MAD1L1: variants seen among roughly 807,000 people sequenced by gnomAD.
MAD1L1 encodes the protein mitotic spindle assembly checkpoint protein MAD1.
Under a neutral mutation model 96.9 loss-of-function variants are expected in MAD1L1, and 95 were observed. The ratio of observed to expected loss-of-function variants is 0.98; its 90% confidence interval spans 0.83 to 1.16. The LOEUF is 1.16. MAD1L1 is among the 50% of genes most tolerant of loss of function. The pLI is 0.00. For synonymous variants in MAD1L1, 473 were observed against 396.6 expected, an observed-to-expected ratio of 1.19 and a Z score of -2.29; for missense variants, 1,007 against 954.4, an observed-to-expected ratio of 1.06 and a Z score of -0.73.
chr7:1,925,181 G>A (rs1261931043), intron 17 of MAD1L1, among the ~76,000 whole-genome samples: 1 of 152,114 alleles, frequency 6.6e-6, no homozygotes, highest in Non-Finnish European at 1.5e-5. Context: ...GTGCACATGG[G>A]ACATTTTGAG....
chr7:1,908,303 A>T (rs1207779609), intron 17 of MAD1L1, among the ~76,000 whole-genome samples: 1 of 152,214 alleles, frequency 6.6e-6, no homozygotes, highest in African/African-American at 2.4e-5. Flanking sequence ...GGCTGAAGAC[A>T]TCTCTACCTC....
At chr7:1,980,870 G>T (rs377066031) in intron 14 of MAD1L1, 1 of 430,120 alleles carries the variant, frequency 2.3e-6, no homozygotes, top group Non-Finnish European at 4.5e-6. Flanking sequence ...CGCTGCCGTC[G>T]GTTTGGTTTA....
rs1318039373 is a variant in MAD1L1 at position 1,980,471 on chromosome 7, T to C, written c.1487A>G (p.Glu496Gly). The C allele has an allele frequency of 6.2e-7, 1 of 1,612,524 alleles. No homozygotes were observed. The highest frequency in any genetic ancestry group is 8.5e-7 in the Non-Finnish European group (1 of 1,179,598). ...GACGTACCTGAGCGTGTCCGCCTCC[T>C]CCCTGGAGAACAGGAAGCTCTGTTC... ...SAEQSFLFSR[E>G]EADTLRLKVE... is the part of the protein sequence containing the mutation. The change falls in exon 15 of 19, where the codon GAG (glutamate) becomes GGG (glycine). Residue 496 changes from glutamate (E) to glycine (G), a missense_variant. By Grantham distance (98) the Glu-to-Gly change is moderately conservative. Coordinates refer to ENST00000265854, the MANE Select transcript of MAD1L1 (RefSeq NM_001013836.2).
intron 10 of MAD1L1, among the ~76,000 whole-genome samples, chr7:2,207,059 C>T (rs543632390): frequency 7.7e-6 from 1 of 130,090 alleles, no homozygotes; most frequent in Non-Finnish European, 1.6e-5. Context: ...GCCTGGGCGA[C>T]AGAGTAAGAT....
At chr7:2,013,346 C>T (rs1214755064) in intron 13 of MAD1L1, among the ~76,000 whole-genome samples, 1 of 152,262 alleles carries the variant, frequency 6.6e-6, no homozygotes, top group Non-Finnish European at 1.5e-5. Context: ...ACCATCAAGG[C>T]CCAGCCCAGA....
chr7:2,214,593 T>C (rs1170835799), intron 9 of MAD1L1, among the ~76,000 whole-genome samples: 1 of 151,614 alleles, frequency 6.6e-6, no homozygotes, highest in South Asian at 2.1e-4. Context: ...GCGGCATAGG[T>C]GTGCCAGGCA....
Position 2,106,876 on chromosome 7 carries a change from C to T in MAD1L1, c.1074-37538G>A, listed in dbSNP as rs191050943. 5.2e-3 allele frequency among the ~76,000 whole-genome samples: 799 copies of T among 152,346 alleles called. 10 individuals are homozygous for T. The highest frequency in any genetic ancestry group is 0.018 in the African/African-American group (759 of 41,574). On this transcript the variant is annotated intron_variant, in intron 11 of 18. Coordinates refer to ENST00000265854, the MANE Select transcript of MAD1L1 (RefSeq NM_001013836.2). The stretch of plus-strand genomic sequence containing the variant: ...GGACTCGTGATGGAGACCCTCCTGG[C>T]CCTGGCTGAGAGACAGCTGAGTGCA...
intron 13 of MAD1L1, among the ~76,000 whole-genome samples, chr7:2,010,943 T>A (rs1782271811): frequency 6.6e-6 from 1 of 151,410 alleles, no homozygotes; most frequent in Admixed American, 6.6e-5. Flanking sequence ...GAGGGAAAGA[T>A]GGAGACAGGA....
At chr7:2,176,097 C>T (rs533544884) in intron 10 of MAD1L1, among the ~76,000 whole-genome samples, 194 of 152,324 alleles carry the variant, frequency 1.3e-3, no homozygotes, top group Non-Finnish European at 2.3e-3. Context: ...CCTGTAATCT[C>T]AGCACTTTGG....
chr7:1,988,394 T>C (rs922053634), intron 14 of MAD1L1, among the ~76,000 whole-genome samples: 2 of 152,028 alleles, frequency 1.3e-5, no homozygotes, highest in African/African-American at 4.8e-5. Context: ...CCAGGCACTT[T>C]GTGGAGCGCC....
At chr7:2,014,394 C>G (rs1782436702) in intron 13 of MAD1L1, 108 bp downstream of exon 13, 1 of 1,384,898 alleles carries the variant, frequency 7.2e-7, no homozygotes, top group African/African-American at 1.5e-5. Context: ...CAGCCGGGAA[C>G]TGGGGAGGCG....
rs79564382 is a variant in MAD1L1, at chr7:2,046,952, C to A, written c.1218+22242G>T. On this transcript the variant is annotated intron_variant, in intron 12 of 18. Coordinates refer to ENST00000265854, the MANE Select transcript of MAD1L1 (RefSeq NM_001013836.2). Reference sequence around the variant, plus strand: ...CACACAACACCCCCTGGGCTGAGCGCACCCACTCACAGACGACAAAGGAAA... The same window carrying A: ...CACACAACACCCCCTGGGCTGAGCGAACCCACTCACAGACGACAAAGGAAA... Among the ~76,000 whole-genome samples the A allele has an allele frequency of 9.6e-3, 1,460 of 152,336 alleles. 23 individuals carry two copies. The highest frequency in any genetic ancestry group is 0.033 in the African/African-American group (1,372 of 41,574).
chr7:2,199,403 G>A (rs1792163168), intron 10 of MAD1L1, among the ~76,000 whole-genome samples: 1 of 152,216 alleles, frequency 6.6e-6, no homozygotes, highest in South Asian at 2.1e-4. Context: ...ACTCCTAGGA[G>A]GTCCCCTGCC....
Position 1,932,950 on chromosome 7 carries a change from C to T in MAD1L1, c.1807+3737G>A, listed in dbSNP as rs142366222. Among the ~76,000 whole-genome samples the T allele has an allele frequency of 7.9e-5, 12 of 152,336 alleles. No individual in the cohort carries two copies. The East Asian group carries it at 2.1e-3, about 27-fold the overall frequency. ...TCTTCTTAGATTTCCATTCACTGTT[C>T]CCTACTTTTGCCTTCCCCCTGCTCA... On this transcript the variant is annotated intron_variant, in intron 17 of 18. Coordinates refer to ENST00000265854, the MANE Select transcript of MAD1L1 (RefSeq NM_001013836.2).
Position 2,052,765 on chromosome 7 carries a change from T to TGGCATG in MAD1L1, c.1218+16423_1218+16428dup, listed in dbSNP as rs1455395658. ...ACAGCTGGGACACAGCTACGGCAGC[T>TGGCATG]GGCATGGGCATGGCCCTGGCGCCAC... On this transcript the variant is annotated intron_variant, in intron 12 of 18. Transcript: ENST00000265854. Among the ~76,000 whole-genome samples the TGGCATG allele has an allele frequency of 9.2e-5, 14 of 152,248 alleles. No homozygotes were observed. The South Asian group carries it at 2.5e-3, about 27-fold the overall frequency.
rs530823606 is a variant in MAD1L1 at position 2,146,032 on chromosome 7, G to A, written c.1073+3120C>T. 4.6e-5 allele frequency among the ~76,000 whole-genome samples: 7 copies of A among 152,324 alleles called. No homozygotes were observed. The East Asian group carries it at 5.8e-4, about 13-fold the overall frequency. Reference sequence around the variant, plus strand: ...AGAAGGAAAGTTACACAACACCCAGGAAGTGCATCAAGACTGCGTGGTGTA... The same window carrying A: ...AGAAGGAAAGTTACACAACACCCAGAAAGTGCATCAAGACTGCGTGGTGTA... On this transcript the variant is annotated intron_variant, in intron 11 of 18. Transcript: ENST00000265854. The surrounding 1 kb of genome is among the most constrained non-coding windows in gnomAD (Gnocchi z 6.2).
intron 11 of MAD1L1, 94 bp from the exon 12 acceptor site, chr7:2,069,432 T>A: frequency 7.9e-7 from 1 of 1,272,688 alleles, no homozygotes; most frequent in South Asian, 1.6e-5. Context: ...CACCAGGACA[T>A]CCTAAAATAG....
intron 12 of MAD1L1, among the ~76,000 whole-genome samples, chr7:2,025,758 G>C (rs967689200): frequency 1.3e-5 from 2 of 152,178 alleles, no homozygotes; most frequent in African/African-American, 4.8e-5. Context: ...AGGATTTTAA[G>C]ACCCTTGGAT....
chr7:2,112,085 C>T (rs769415747), intron 11 of MAD1L1, among the ~76,000 whole-genome samples: 1 of 152,174 alleles, frequency 6.6e-6, no homozygotes, highest in Non-Finnish European at 1.5e-5. Context: ...AGCAGCGCTG[C>T]GATTCACACA....
Sources: gnomAD v4.1 joint callset for allele counts (sites outside exome capture counted in the v4.1 genomes callset) on GRCh38, gnomAD v4.1.1 for gene constraint, Gnocchi (gnomAD v3.1) non-coding constraint, MANE v1.5 for transcripts, NCBI Gene and HGNC (gene_info 2026-07-23, HGNC 2026-07-21) for gene names.